SUMF1: variants seen among roughly 807,000 people sequenced by gnomAD.
The protein encoded by SUMF1 is formylglycine-generating enzyme.
A neutral mutation model predicts 47.6 loss-of-function variants in SUMF1; 48 were observed. The ratio of observed to expected loss-of-function variants is 1.01; its 90% CI spans 0.80 to 1.28. The LOEUF is 1.28. Among genes scored for constraint, SUMF1 ranks in the 50% most tolerant of loss-of-function variants. The probability of loss-of-function intolerance (pLI) is 0.00; values close to 1 mark genes in which losing one functional copy is unlikely to be tolerated. For synonymous variants in SUMF1, 230 were observed against 192.1 expected, an observed-to-expected ratio of 1.20 and a Z score of -1.63; for missense variants, 571 against 485.4, an observed-to-expected ratio of 1.18 and a Z score of -1.66.
chr3:4,459,476 A>G, intron 1 of SUMF1, among the ~76,000 whole-genome samples: 1 of 152,236 alleles, frequency 6.6e-6, no homozygotes. Flanking sequence ...AACAGAAATT[A>G]GGAATCCACA....
chr3:4,251,000 T>G (rs1696790072), intron 8 of SUMF1, among the ~76,000 whole-genome samples: 1 of 152,198 alleles, frequency 6.6e-6, no homozygotes, highest in Non-Finnish European at 1.5e-5. Flanking sequence ...CAAGTCCTTT[T>G]ATTTAAGAAA....
chr3:4,126,723 T>C (rs1693662695), intron 8 of SUMF1, among the ~76,000 whole-genome samples: 1 of 152,140 alleles, frequency 6.6e-6, no homozygotes, highest in African/African-American at 2.4e-5. Context: ...TACTGGTTGA[T>C]AAACCTATAA....
At chr3:4,419,852 G>A (rs930474644) in intron 4 of SUMF1, among the ~76,000 whole-genome samples, 5 of 152,334 alleles carry the variant, frequency 3.3e-5, no homozygotes, top group Admixed American at 3.3e-4. Flanking sequence ...AGAGAAAGAG[G>A]CCACTAATTA....
chr3:4,178,056 A>C (rs1001324819), intron 8 of SUMF1, among the ~76,000 whole-genome samples: 1 of 152,192 alleles, frequency 6.6e-6, no homozygotes, highest in Non-Finnish European at 1.5e-5. Context: ...TTAAGAGCCT[A>C]CCAGCCAAAA....
At chr3:4,255,136 A>T (rs1696919095) in intron 8 of SUMF1, among the ~76,000 whole-genome samples, 1 of 150,708 alleles carries the variant, frequency 6.6e-6, no homozygotes, top group Non-Finnish European at 1.5e-5. Context: ...GAAAGGAACA[A>T]TCGGTACCAG....
intron 8 of SUMF1, chr3:4,229,313 T>C: frequency 2.4e-6 from 1 of 409,260 alleles, no homozygotes; most frequent in Non-Finnish European, 4.9e-6. Flanking sequence ...TCCATTCCTG[T>C]GAAATCCTCT....
At chr3:4,116,689 C>T (rs1000171658) in intron 8 of SUMF1, among the ~76,000 whole-genome samples, 1 of 152,106 alleles carries the variant, frequency 6.6e-6, no homozygotes, top group South Asian at 2.1e-4. Context: ...CACTCAGAGA[C>T]TCTTTGGTCT....
chr3:4,376,511 T>G, intron 7 of SUMF1, 122 bp from the exon 8 acceptor site: 3 of 960,628 alleles, frequency 3.1e-6, no homozygotes, highest in Non-Finnish European at 5.1e-6. Flanking sequence ...CCACATGCAT[T>G]TCCACCCCTA....
chr3:4,326,336 G>T (rs1465966887), intron 8 of SUMF1, among the ~76,000 whole-genome samples: 1 of 152,042 alleles, frequency 6.6e-6, no homozygotes, highest in Non-Finnish European at 1.5e-5. Context: ...GACTTTTAAA[G>T]CTTTCTCAAG....
chr3:4,168,398 T>C (rs1694758993), intron 8 of SUMF1, among the ~76,000 whole-genome samples: 2 of 152,192 alleles, frequency 1.3e-5, no homozygotes, highest in Non-Finnish European at 1.5e-5. Flanking sequence ...CCTTTAATAA[T>C]GTGATGAGAG....
At chr3:4,345,999 C>G (rs964413089) in intron 8 of SUMF1, among the ~76,000 whole-genome samples, 1 of 152,134 alleles carries the variant, frequency 6.6e-6, no homozygotes, top group Non-Finnish European at 1.5e-5. Context: ...GTATATGCAC[C>G]CAATACAGGA....
intron 8 of SUMF1, among the ~76,000 whole-genome samples, chr3:4,246,846 C>G (rs1243017077): frequency 1.3e-5 from 2 of 152,138 alleles, no homozygotes; most frequent in African/African-American, 4.8e-5. Context: ...GCAAATACAA[C>G]AGTAACCTGA....
chr3:4,291,733 T>C (rs573761299), intron 8 of SUMF1, among the ~76,000 whole-genome samples: 4 of 152,180 alleles, frequency 2.6e-5, no homozygotes, highest in Non-Finnish European at 5.9e-5. Flanking sequence ...TAAATTGCCA[T>C]GAATTCCAAA....
At chr3:4,242,697 G>T (rs1427593021) in intron 8 of SUMF1, among the ~76,000 whole-genome samples, 1 of 152,112 alleles carries the variant, frequency 6.6e-6, no homozygotes, top group Non-Finnish European at 1.5e-5. Flanking sequence ...GAGGACTTTT[G>T]CATCGATGTT....
chr3:4,057,406 C>T (rs1467703652), intron 9 of SUMF1, among the ~76,000 whole-genome samples: 3 of 151,506 alleles, frequency 2.0e-5, no homozygotes, highest in Non-Finnish European at 2.9e-5. Flanking sequence ...GGCAAAAAAC[C>T]GCAAAAGGAA....
At chr3:4,069,950 A>C (rs1695479526) in intron 8 of SUMF1, among the ~76,000 whole-genome samples, 1 of 152,182 alleles carries the variant, frequency 6.6e-6, no homozygotes, top group Non-Finnish European at 1.5e-5. Flanking sequence ...ACTAAGAGCC[A>C]GATACGCTTT....
Position 4,376,341 on chromosome 3 carries a change from T to C in SUMF1, c.1003A>G (p.Met335Val), listed in dbSNP as rs2124845082. The change falls in exon 8 of 9, where the codon ATG (methionine) becomes GTG (valine). Residue 335 changes from methionine to valine, a missense_variant. Transcript: ENST00000272902. ...KDRVKKGGSY[M>V]CHRSYCYRYR... ...GTGACATGACTTACCCTATGGCACA[T>C]GTAGGATCCACCTTTCTTCACTCGG... is the stretch of plus-strand genomic sequence containing the variant. The C allele has an allele frequency of 1.2e-6, 2 of 1,614,152 alleles. No individual in the cohort carries two copies. Among genetic ancestry groups the C allele is most frequent in the Non-Finnish European group, 1.7e-6 (2 of 1,179,984 alleles).
At chr3:4,303,825 CG>C in intron 8 of SUMF1, 3 of 1,362,936 alleles carry the variant, frequency 2.2e-6, no homozygotes, top group East Asian at 4.4e-5. Context: ...GGAGGCATCA[CG>C]GGGGGAGTCA....
rs189092911 is a variant in SUMF1 at position 4,106,156 on chromosome 3, C to T, written c.1015-37411G>A. On this transcript the variant is annotated intron_variant and NMD_transcript_variant, in intron 8 of 12. Transcript: ENST00000448413. ...CTTAGGAGAATTTCTGTAGGGTTCC[C>T]GTGGCATTGCTGGGCCATAAAAAAC... is the stretch of plus-strand genomic sequence containing the variant. Among the ~76,000 whole-genome samples the T allele has an allele frequency of 6.3e-3, 958 of 152,018 alleles. 9 individuals carry two copies. The highest frequency in any genetic ancestry group is 0.011 in the Admixed American group (166 of 15,272).
Sources: gnomAD v4.1 joint callset for allele counts (sites outside exome capture counted in the v4.1 genomes callset) on GRCh38, gnomAD v4.1.1 for gene constraint, MANE v1.5 for transcripts, NCBI Gene and HGNC (gene_info 2026-07-23, HGNC 2026-07-21) for gene names.